The following TBC1D1 variants were observed in gnomAD, a reference collection of about 807,000 sequenced individuals.
The protein encoded by TBC1D1 is TBC1 domain family member 1.
Under a neutral mutation model 125.6 loss-of-function variants are expected in TBC1D1, and 89 were observed. The ratio of observed to expected loss-of-function variants is 0.71; its 90% CI spans 0.60 to 0.85. The LOEUF (loss-of-function observed/expected upper bound fraction) is 0.85, where lower values mean the gene tolerates loss of function less well. Ranked by LOEUF, TBC1D1 falls within the 40% of genes least tolerant of loss-of-function variation. TBC1D1 has a pLI of 0.00. For missense variants in TBC1D1, 1,377 were observed against 1,469.2 expected (o/e 0.94, Z 1.03); for synonymous variants, 565 against 564.1 (o/e 1.00, Z -0.02).
chr4:38,083,921 AAATG>A (rs1277913191), intron 12 of TBC1D1, among the ~76,000 whole-genome samples: 1 of 151,064 alleles, frequency 6.6e-6, no homozygotes, highest in African/African-American at 2.4e-5. Flanking sequence ...TCTTTATACC[AAATG>A]AATGTTGTCT....
At chr4:38,080,759 C>T (rs1172682600) in intron 12 of TBC1D1, among the ~76,000 whole-genome samples, 1 of 152,232 alleles carries the variant, frequency 6.6e-6, no homozygotes, top group South Asian at 2.1e-4. Flanking sequence ...ACCTTATGGG[C>T]TGCCCTTGAC....
intron 2 of TBC1D1, among the ~76,000 whole-genome samples, chr4:37,975,784 T>A (rs893349686): frequency 6.6e-6 from 1 of 152,160 alleles, no homozygotes; most frequent in Non-Finnish European, 1.5e-5. Flanking sequence ...ATTATAATAT[T>A]GGAATAAAGA....
chr4:37,895,763 G>A (rs1048154524), intron 1 of TBC1D1, among the ~76,000 whole-genome samples: 4 of 152,128 alleles, frequency 2.6e-5, no homozygotes, highest in Admixed American at 6.5e-5. Flanking sequence ...TACTTTACAT[G>A]TCAAATTAGA....
rs181943000 is a variant in TBC1D1 at position 38,044,604 on chromosome 4, C to T, written c.1542+114C>T. ...CATCATAAAGGTAAAAGTATAAAAC[C>T]TTTTTTTATGTTTTCTCAGGCTTAT... On this transcript the variant is annotated intron_variant, in intron 9 of 19. Transcript: ENST00000261439. 4.4e-6 allele frequency: 5 copies of T among 1,139,852 alleles called. No individual in the cohort carries two copies. The East Asian group carries it at 1.3e-4, about 31-fold the overall frequency. The allele number at this position is 1,139,852 out of a possible 1,614,324, so 70.6% of individuals were successfully genotyped here.
At chr4:38,130,278 A>T (rs1765371892) in intron 18 of TBC1D1, among the ~76,000 whole-genome samples, 1 of 152,244 alleles carries the variant, frequency 6.6e-6, no homozygotes, top group African/African-American at 2.4e-5. Context: ...GAACTAGAAA[A>T]ACATGCTTTT....
chr4:37,994,658 A>G (rs181530484), intron 2 of TBC1D1, among the ~76,000 whole-genome samples: 5 of 152,158 alleles, frequency 3.3e-5, no homozygotes, highest in Admixed American at 3.3e-4. Context: ...CATGCATTTT[A>G]TGACCCTTGT....
intron 10 of TBC1D1, 93 bp downstream of exon 10, chr4:38,045,996 T>C (rs2152472300): frequency 1.8e-6 from 2 of 1,117,724 alleles, no homozygotes; most frequent in South Asian, 1.3e-5. Context: ...ATAAAACGTT[T>C]GCTGCTTGCA....
intron 12 of TBC1D1, among the ~76,000 whole-genome samples, chr4:38,061,238 G>A (rs1343579296): frequency 6.6e-6 from 1 of 152,140 alleles, no homozygotes; most frequent in Non-Finnish European, 1.5e-5. Context: ...AGGAGACACA[G>A]TGTGGGCGTT....
chr4:37,973,296 G>A (rs571211641), intron 2 of TBC1D1, among the ~76,000 whole-genome samples: 1 of 152,174 alleles, frequency 6.6e-6, no homozygotes, highest in Non-Finnish European at 1.5e-5. Flanking sequence ...TATATACTGA[G>A]AATTGGATCC....
chr4:37,905,534 A>G (rs1717128397), intron 2 of TBC1D1, among the ~76,000 whole-genome samples: 1 of 152,194 alleles, frequency 6.6e-6, no homozygotes, highest in African/African-American at 2.4e-5. Flanking sequence ...CTCCTGTTTG[A>G]TGAGAGGAAT....
At chr4:38,124,728 G>A (rs1458052837) in intron 17 of TBC1D1, among the ~76,000 whole-genome samples, 1 of 152,096 alleles carries the variant, frequency 6.6e-6, no homozygotes, top group Non-Finnish European at 1.5e-5. Flanking sequence ...TTTGAAGCAT[G>A]TTTGAATTTT....
intron 7 of TBC1D1, among the ~76,000 whole-genome samples, chr4:38,031,606 T>G (rs1746150673): frequency 1.3e-5 from 2 of 152,108 alleles, no homozygotes; most frequent in South Asian, 4.1e-4. Flanking sequence ...TGTTGGAAAT[T>G]GATTTATTTA....
intron 15 of TBC1D1, among the ~76,000 whole-genome samples, chr4:38,106,814 ACTCCGAAGG>A (rs1297426073): frequency 6.6e-6 from 1 of 152,000 alleles, no homozygotes; most frequent in Non-Finnish European, 1.5e-5. Flanking sequence ...GTGGCTGTGC[ACTCCGAAGG>A]CACTGTGTGT....
At chr4:38,057,978 C>T (rs991895022) in intron 12 of TBC1D1, among the ~76,000 whole-genome samples, 1 of 152,218 alleles carries the variant, frequency 6.6e-6, no homozygotes, top group Admixed American at 6.5e-5. Context: ...CCTCTTCCCA[C>T]AGGAAGCTCC....
At chr4:37,955,424 AGTATTT>A (rs1228599393) in intron 2 of TBC1D1, among the ~76,000 whole-genome samples, 1 of 152,238 alleles carries the variant, frequency 6.6e-6, no homozygotes, top group Non-Finnish European at 1.5e-5. Flanking sequence ...AAAATGACAT[AGTATTT>A]GCCTGTAACC....
chr4:38,136,747 C>T (rs1393176281), intron 19 of TBC1D1, among the ~76,000 whole-genome samples: 1 of 152,188 alleles, frequency 6.6e-6, no homozygotes, highest in African/African-American at 2.4e-5. Flanking sequence ...CTTGGCACAA[C>T]GGAAGTCTTT....
At chr4:38,006,289 C>T (rs1740151590) in intron 2 of TBC1D1, among the ~76,000 whole-genome samples, 1 of 151,936 alleles carries the variant, frequency 6.6e-6, no homozygotes, top group Non-Finnish European at 1.5e-5. Context: ...TAGTTTTGCA[C>T]AGTTAAAGTG....
At chr4:38,089,185 A>G (rs1256218232) in intron 12 of TBC1D1, among the ~76,000 whole-genome samples, 1 of 152,218 alleles carries the variant, frequency 6.6e-6, no homozygotes, top group East Asian at 1.9e-4. Flanking sequence ...TACTCACTGT[A>G]TGACCTTGGG....
intron 18 of TBC1D1, among the ~76,000 whole-genome samples, chr4:38,126,882 G>A (rs1023408326): frequency 6.6e-6 from 1 of 152,138 alleles, no homozygotes; most frequent in African/African-American, 2.4e-5. Flanking sequence ...ACTGCCAAGA[G>A]CCTCTGGAGG....
Sources: allele counts gnomAD v4.1 joint callset (sites outside exome capture counted in the v4.1 genomes callset), GRCh38; gene constraint gnomAD v4.1.1; transcripts MANE v1.5; gene names NCBI Gene and HGNC (gene_info 2026-07-23, HGNC 2026-07-21).